COP1: variants seen among roughly 807,000 people sequenced by gnomAD.
The protein encoded by COP1 is E3 ubiquitin-protein ligase COP1.
Under a neutral mutation model 101.3 loss-of-function variants are expected in COP1, and 24 were observed. The observed-to-expected ratio is 0.24, with a 90% CI of 0.17 to 0.33. The LOEUF (loss-of-function observed/expected upper bound fraction) is 0.33. Among genes scored for constraint, COP1 ranks in the 10% least tolerant of loss-of-function variants. COP1 has a pLI of 1.00. For missense variants in COP1, 663 were observed against 906.2 expected (o/e 0.73, Z 3.45); for synonymous variants, 347 against 341.9 (o/e 1.01, Z -0.17).
At chr1:176,160,346 G>C (rs1694136646) in intron 5 of COP1, 1 of 320,496 alleles carries the variant, frequency 3.1e-6, no homozygotes, top group Non-Finnish European at 6.0e-6. Context: ...ATATCATTCA[G>C]GACATAGGAA....
At chr1:176,089,645 T>C (rs1165072606) in intron 9 of COP1, among the ~76,000 whole-genome samples, 1 of 152,166 alleles carries the variant, frequency 6.6e-6, no homozygotes, top group Non-Finnish European at 1.5e-5. Context: ...AGTCATATTT[T>C]AAAGCACTGC....
At chr1:176,043,322 T>G in intron 13 of COP1, 55 bp from the exon 14 acceptor site, 1 of 1,047,670 alleles carries the variant, frequency 9.5e-7, no homozygotes, top group Non-Finnish European at 1.4e-6. Context: ...TCAAAATGAA[T>G]AAAGCAAGAA....
rs562836083 is a variant in COP1 at position 176,008,029 on chromosome 1, C to T, written c.1730-18550G>A. Among the ~76,000 whole-genome samples, 33 of 152,240 alleles carry T rather than the reference C, an allele frequency of 2.2e-4. No individual in the cohort carries two copies. The East Asian group carries it at 5.4e-3, about 25-fold the overall frequency. On this transcript the variant is annotated intron_variant, in intron 15 of 19. Coordinates refer to ENST00000367669, the MANE Select transcript of COP1 (RefSeq NM_022457.7). ...GGCGTAGGACCCTCGGAGCCAGGTGCGGGATATAATCTCGTGGTGCGCCGT... is the reference window on the plus strand; with the variant it reads ...GGCGTAGGACCCTCGGAGCCAGGTGTGGGATATAATCTCGTGGTGCGCCGT...
At chr1:175,987,340 T>C (rs1657363631) in intron 17 of COP1, among the ~76,000 whole-genome samples, 1 of 152,176 alleles carries the variant, frequency 6.6e-6, no homozygotes, top group African/African-American at 2.4e-5. Flanking sequence ...ATACTGATAA[T>C]TCTAAGGCTA....
At chr1:176,049,836 C>G (rs1444271504) in intron 11 of COP1, among the ~76,000 whole-genome samples, 1 of 152,122 alleles carries the variant, frequency 6.6e-6, no homozygotes, top group East Asian at 1.9e-4. Context: ...ATTTCAACTA[C>G]TTTTATTATG....
rs780429584 is a variant in COP1 at position 175,989,433 on chromosome 1, G to C, written c.1776C>G (p.Ile592Met). 2 of 1,609,724 alleles carry C rather than the reference G, an allele frequency of 1.2e-6. No homozygotes were observed. Among genetic ancestry groups the C allele is most frequent in the Non-Finnish European group, 1.7e-6 (2 of 1,176,060 alleles). The change falls in exon 16 of 20, where the codon ATC (isoleucine) becomes ATG (methionine). Residue 592 changes from isoleucine (I) to methionine (M), a missense_variant. By Grantham distance (10) the Ile-to-Met change is conservative. Transcript: ENST00000367669. ...CTTTACGGTGTCCTTTGAATACCAT[G>C]ATTGGCTGTTTAGTGTTACGAAGAT... The part of the protein sequence containing the change: ...YYDLRNTKQP[I>M]MVFKGHRKAV...
rs1026784465 is a variant in COP1 at position 176,107,488 on chromosome 1, C to A, written c.1026+9136G>T. ...GTCAGTATGAAGGAGCTCCAACTAG[C>A]CAAATACAAGATGATTTGAGTTTCA... is the stretch of plus-strand genomic sequence containing the variant. On this transcript the variant is annotated intron_variant, in intron 9 of 19. Coordinates refer to ENST00000367669, the MANE Select transcript of COP1 (RefSeq NM_022457.7). Among the ~76,000 whole-genome samples the A allele has an allele frequency of 8.6e-5, 13 of 151,974 alleles. 1 individual carries two copies. The highest frequency in any genetic ancestry group is 2.9e-4 in the African/African-American group (12 of 41,428).
intron 14 of COP1, among the ~76,000 whole-genome samples, chr1:176,033,864 A>T (rs1411158657): frequency 6.6e-6 from 1 of 152,248 alleles, no homozygotes; most frequent in East Asian, 1.9e-4. Flanking sequence ...AATAAGCAAA[A>T]TATATTTGTA....
rs545230199 is a variant in COP1 at position 175,993,472 on chromosome 1, A to G, written c.1730-3993T>C. ...AGCTACAGGAGGAAACTTAAACCAA[A>G]GGCAAAGAAGTTGAAAACTTTGAAA... On this transcript the variant is annotated intron_variant, in intron 15 of 19. Coordinates refer to ENST00000367669, the MANE Select transcript of COP1 (RefSeq NM_022457.7). Among the ~76,000 whole-genome samples, 8 of 152,330 alleles carry G rather than the reference A, an allele frequency of 5.3e-5. No homozygotes were observed. The South Asian group carries it at 1.7e-3, about 32-fold the overall frequency.
At chr1:176,105,672 C>T (rs914221831) in intron 9 of COP1, among the ~76,000 whole-genome samples, 1 of 152,116 alleles carries the variant, frequency 6.6e-6, no homozygotes, top group Non-Finnish European at 1.5e-5. Context: ...CTGACCCTTG[C>T]CTATGCTATA....
intron 5 of COP1, among the ~76,000 whole-genome samples, chr1:176,150,104 C>T (rs1456494696): frequency 1.3e-5 from 2 of 152,092 alleles, no homozygotes; most frequent in Non-Finnish European, 2.9e-5. Context: ...AACAAGTGCC[C>T]AGATGATAAG....
At chr1:176,186,528 A>G (rs1218898539) in intron 1 of COP1, among the ~76,000 whole-genome samples, 3 of 152,148 alleles carry the variant, frequency 2.0e-5, no homozygotes, top group Non-Finnish European at 4.4e-5. Context: ...TGACAGAGCA[A>G]GACCCTATCT....
intron 11 of COP1, among the ~76,000 whole-genome samples, chr1:176,073,906 C>CA (rs1206885009): frequency 1.3e-5 from 2 of 152,106 alleles, no homozygotes; most frequent in Non-Finnish European, 2.9e-5. Context: ...AATAATGCAC[C>CA]AAATTCAACA....
intron 15 of COP1, among the ~76,000 whole-genome samples, chr1:176,002,636 T>C (rs201422094): frequency 6.8e-6 from 1 of 147,632 alleles, no homozygotes; most frequent in Non-Finnish European, 1.5e-5. Flanking sequence ...GATAGTTTAC[T>C]GAGAATGATG....
intron 9 of COP1, among the ~76,000 whole-genome samples, chr1:176,098,174 G>A (rs1256461786): frequency 2.0e-5 from 3 of 152,074 alleles, no homozygotes; most frequent in Non-Finnish European, 2.9e-5. Context: ...AAAACCTGGC[G>A]ACATAAGGAA....
chr1:176,070,025 C>T (rs1450381626), intron 11 of COP1, among the ~76,000 whole-genome samples: 2 of 151,932 alleles, frequency 1.3e-5, no homozygotes, highest in Non-Finnish European at 2.9e-5. Context: ...AATTCACAGC[C>T]CTCACCTCAT....
At chr1:176,103,823 A>T (rs1445295492) in intron 9 of COP1, among the ~76,000 whole-genome samples, 2 of 152,210 alleles carry the variant, frequency 1.3e-5, no homozygotes, top group Non-Finnish European at 2.9e-5. Context: ...CCTAGAGTTA[A>T]AATCAGTATC....
At chr1:176,192,162 G>A (rs1307935141) in intron 1 of COP1, among the ~76,000 whole-genome samples, 1 of 152,068 alleles carries the variant, frequency 6.6e-6, no homozygotes, top group Non-Finnish European at 1.5e-5. Context: ...TATCTCTGCT[G>A]ATTCCTCTTA....
intron 3 of COP1, among the ~76,000 whole-genome samples, chr1:176,171,688 A>T (rs1307135676): frequency 5.3e-5 from 8 of 151,606 alleles, no homozygotes; most frequent in Middle Eastern, 6.9e-3. Context: ...TCAATTTGTT[A>T]AAAAAAATGC....
Sources: gnomAD v4.1 joint callset for allele counts (sites outside exome capture counted in the v4.1 genomes callset) on GRCh38, gnomAD v4.1.1 for gene constraint, MANE v1.5 for transcripts, NCBI Gene and HGNC (gene_info 2026-07-23, HGNC 2026-07-21) for gene names.